Variants in CNTNAP2 observed in about 807,000 individuals in gnomAD.
The protein encoded by CNTNAP2 is contactin associated protein 2.
A neutral mutation model predicts 155.2 loss-of-function variants in CNTNAP2; 98 were observed. The observed-to-expected ratio is 0.63, with a 90% CI of 0.54 to 0.75. The LOEUF is 0.75. Among genes scored for constraint, CNTNAP2 ranks in the 30% least tolerant of loss-of-function variants. The pLI is 0.00. For missense variants in CNTNAP2, 1,727 were observed against 1,688.1 expected (o/e 1.02, Z -0.40); for synonymous variants, 651 against 631.2 (o/e 1.03, Z -0.47).
At chr7:146,510,798 A>G (rs1584957265) in intron 1 of CNTNAP2, among the ~76,000 whole-genome samples, 2 of 151,904 alleles carry the variant, frequency 1.3e-5, no homozygotes, top group South Asian at 4.2e-4. Context: ...CTGTTGGTGT[A>G]CATAAATGCT....
At chr7:147,808,182 G>T (rs942439440) in intron 13 of CNTNAP2, among the ~76,000 whole-genome samples, 1 of 151,998 alleles carries the variant, frequency 6.6e-6, no homozygotes, top group African/African-American at 2.4e-5. Flanking sequence ...CTTTCTGTAG[G>T]ATACTGGATG....
chr7:148,247,742 C>G (rs1187526920), intron 20 of CNTNAP2, among the ~76,000 whole-genome samples: 1 of 151,586 alleles, frequency 6.6e-6, no homozygotes, highest in African/African-American at 2.4e-5. Context: ...CTACCTCCAC[C>G]TCCCAGGTTC....
intron 3 of CNTNAP2, among the ~76,000 whole-genome samples, chr7:146,910,901 A>T (rs1442146646): frequency 2.0e-5 from 3 of 150,958 alleles, no homozygotes; most frequent in Non-Finnish European, 4.4e-5. Flanking sequence ...TTCGCAACCT[A>T]CTCATCTGAC....
intron 15 of CNTNAP2, among the ~76,000 whole-genome samples, chr7:148,101,298 AAAACAAAC>A (rs36128383): frequency 1.6e-4 from 25 of 151,690 alleles, no homozygotes; most frequent in African/African-American, 5.4e-4. Flanking sequence ...ATAAAATTAA[AAAACAAAC>A]AAACAAATCA....
At chr7:146,229,130 C>G (rs1435919877) in intron 1 of CNTNAP2, among the ~76,000 whole-genome samples, 1 of 152,012 alleles carries the variant, frequency 6.6e-6, no homozygotes, top group Non-Finnish European at 1.5e-5. Flanking sequence ...CAAATTGGAA[C>G]CTTGGATATG....
chr7:146,388,296 A>G (rs1450236360), intron 1 of CNTNAP2, among the ~76,000 whole-genome samples: 1 of 151,758 alleles, frequency 6.6e-6, no homozygotes, highest in African/African-American at 2.4e-5. Flanking sequence ...TTAGCTAGGC[A>G]TGGTGGTGCA....
chr7:147,668,495 C>G (rs79101499), intron 13 of CNTNAP2, among the ~76,000 whole-genome samples: 6,150 of 152,294 alleles, frequency 0.04, 140 homozygotes, highest in Middle Eastern at 0.13. Context: ...CCCCTGAGAA[C>G]GTCCCAGTGG....
chr7:146,144,237 T>C (rs982038666), intron 1 of CNTNAP2, among the ~76,000 whole-genome samples: 1 of 152,104 alleles, frequency 6.6e-6, no homozygotes, highest in Admixed American at 6.6e-5. Context: ...CTGCAAGCTC[T>C]GCCTGCCAGG....
At chr7:146,692,022 C>A (rs1472948701) in intron 1 of CNTNAP2, among the ~76,000 whole-genome samples, 1 of 152,162 alleles carries the variant, frequency 6.6e-6, no homozygotes, top group Non-Finnish European at 1.5e-5. Context: ...GAACTGCTAG[C>A]TTTAAAATGT....
chr7:146,931,504 C>A (rs1307976030), intron 3 of CNTNAP2, among the ~76,000 whole-genome samples: 11 of 149,636 alleles, frequency 7.4e-5, no homozygotes, highest in African/African-American at 2.5e-4. Context: ...AAAACTGACA[C>A]CCTAACATCA....
intron 3 of CNTNAP2, among the ~76,000 whole-genome samples, chr7:146,944,238 A>C (rs1797111493): frequency 9.0e-6 from 1 of 111,668 alleles, no homozygotes; most frequent in African/African-American, 3.0e-5. Context: ...TTTTTTTTCA[A>C]ATTGTTGCAA....
intron 4 of CNTNAP2, among the ~76,000 whole-genome samples, chr7:147,101,487 A>G (rs1459413737): frequency 6.6e-6 from 1 of 152,112 alleles, no homozygotes; most frequent in Non-Finnish European, 1.5e-5. Flanking sequence ...GTTAAGTGTT[A>G]ACCAGTTCAG....
chr7:148,148,129 AT>A (rs1436624784), intron 17 of CNTNAP2, among the ~76,000 whole-genome samples: 3 of 152,090 alleles, frequency 2.0e-5, no homozygotes, highest in African/African-American at 7.2e-5. Context: ...CTAAGTTCAG[AT>A]TTTTTTGAAA....
intron 1 of CNTNAP2, among the ~76,000 whole-genome samples, chr7:146,763,684 T>C (rs1231773023): frequency 2.0e-5 from 3 of 152,196 alleles, no homozygotes; most frequent in Non-Finnish European, 4.4e-5. Flanking sequence ...TATCTAGCAA[T>C]CAGTACAGTA....
intron 4 of CNTNAP2, among the ~76,000 whole-genome samples, chr7:147,066,966 G>A (rs78963744): frequency 0.11 from 16,271 of 152,104 alleles, 2,357 homozygotes; most frequent in African/African-American, 0.33. Flanking sequence ...ACCATATAGC[G>A]AAGAGAACGA....
At chr7:146,731,542 G>A (rs1322036668) in intron 1 of CNTNAP2, among the ~76,000 whole-genome samples, 1 of 152,052 alleles carries the variant, frequency 6.6e-6, no homozygotes, top group Non-Finnish European at 1.5e-5. Flanking sequence ...AGAGTGAGAT[G>A]AAATCAAGAA....
chr7:147,065,888 A>G (rs1330784607), intron 4 of CNTNAP2, among the ~76,000 whole-genome samples: 1 of 152,148 alleles, frequency 6.6e-6, no homozygotes, highest in Non-Finnish European at 1.5e-5. Flanking sequence ...TAAAATTAGG[A>G]GTTTTAATTA....
At chr7:146,921,437 T>C (rs1374100793) in intron 3 of CNTNAP2, among the ~76,000 whole-genome samples, 1 of 152,004 alleles carries the variant, frequency 6.6e-6, no homozygotes, top group Non-Finnish European at 1.5e-5. Context: ...GCAAGAGTCG[T>C]GTATTAGTTC....
intron 13 of CNTNAP2, among the ~76,000 whole-genome samples, chr7:147,774,009 T>C (rs1240367577): frequency 1.3e-5 from 2 of 152,182 alleles, no homozygotes; most frequent in Admixed American, 6.6e-5. Flanking sequence ...CTTTGATTTT[T>C]GTTGTTTTCT....
Sources: gnomAD v4.1 joint callset for allele counts (sites outside exome capture counted in the v4.1 genomes callset) on GRCh38, gnomAD v4.1.1 for gene constraint, MANE v1.5 for transcripts, NCBI Gene and HGNC (gene_info 2026-07-23, HGNC 2026-07-21) for gene names.